The following PDGFRL variants were observed in gnomAD, a reference collection of about 807,000 sequenced individuals.
PDGFRL encodes platelet derived growth factor receptor like.
A neutral mutation model predicts 37.2 loss-of-function variants in PDGFRL; 46 were observed. The observed-to-expected ratio is 1.24, with a 90% CI of 0.98 to 1.58. PDGFRL has a LOEUF of 1.58. Among genes scored for constraint, PDGFRL ranks in the 40% most tolerant of loss-of-function variants. PDGFRL has a pLI of 0.00. For missense variants in PDGFRL, 692 were observed against 467.6 expected (o/e 1.48, Z -4.43); for synonymous variants, 251 against 184.3 (o/e 1.36, Z -2.93).
intron 1 of PDGFRL, among the ~76,000 whole-genome samples, chr8:17,586,748 C>T (rs921965002): frequency 3.9e-5 from 6 of 152,040 alleles, no homozygotes; most frequent in Non-Finnish European, 8.8e-5. Context: ...GTAATTATTA[C>T]AGTTATTATG....
At chr8:17,583,636 T>C (rs1803754763) in intron 1 of PDGFRL, among the ~76,000 whole-genome samples, 2 of 152,124 alleles carry the variant, frequency 1.3e-5, no homozygotes, top group Admixed American at 1.3e-4. Context: ...ATCACCAGTG[T>C]TGGTGGTGGG....
intron 2 of PDGFRL, among the ~76,000 whole-genome samples, chr8:17,602,481 C>T (rs148991583): frequency 7.0e-4 from 107 of 152,014 alleles, no homozygotes; most frequent in Middle Eastern, 3.4e-3. Flanking sequence ...GAGTAATCAT[C>T]GAATTTTTTT....
intron 2 of PDGFRL, among the ~76,000 whole-genome samples, chr8:17,599,519 G>A (rs1804122972): frequency 6.6e-6 from 1 of 152,052 alleles, no homozygotes; most frequent in Admixed American, 6.6e-5. Flanking sequence ...ATTTCCACTT[G>A]GAAACTTGCG....
chr8:17,591,349 G>C (rs1803935665), intron 2 of PDGFRL, among the ~76,000 whole-genome samples: 1 of 152,262 alleles, frequency 6.6e-6, no homozygotes, highest in East Asian at 1.9e-4. Context: ...TGAGAAGCAA[G>C]AAAGAAACAC....
At chr8:17,579,405 C>G (rs970104808) in intron 1 of PDGFRL, among the ~76,000 whole-genome samples, 1 of 152,024 alleles carries the variant, frequency 6.6e-6, no homozygotes, top group Admixed American at 6.6e-5. Context: ...CAGTGCTGGT[C>G]TCAGATTGGC....
chr8:17,607,817 G>A lies in PDGFRL; in HGVS notation c.354-13234G>A, dbSNP rs139144009. Among the ~76,000 whole-genome samples, 349 of 152,354 alleles carry A rather than the reference G, an allele frequency of 2.3e-3. 4 individuals carry two copies. The highest frequency in any genetic ancestry group is 8.1e-3 in the African/African-American group (336 of 41,582). ...TTTGAAAGATATGTCAAAGGAGGGA[G>A]CAAGAAAAGAGGAATAAAGGATAAG... On this transcript the variant is annotated intron_variant, in intron 2 of 5. Transcript: ENST00000251630.
chr8:17,582,973 A>G (rs953737079), intron 1 of PDGFRL, among the ~76,000 whole-genome samples: 1 of 152,132 alleles, frequency 6.6e-6, no homozygotes, highest in Non-Finnish European at 1.5e-5. Context: ...TTCACTTAAA[A>G]GGTCCCAGGT....
At chr8:17,615,381 C>A (rs1226149033) in intron 2 of PDGFRL, among the ~76,000 whole-genome samples, 1 of 152,056 alleles carries the variant, frequency 6.6e-6, no homozygotes, top group Non-Finnish European at 1.5e-5. Context: ...ATCACTCAGT[C>A]AAAATTGCTT....
At chr8:17,635,389 T>G (rs1449439425) in intron 5 of PDGFRL, among the ~76,000 whole-genome samples, 1 of 152,200 alleles carries the variant, frequency 6.6e-6, no homozygotes, top group Non-Finnish European at 1.5e-5. Context: ...ATACCATGTT[T>G]GGTTTTCCAT....
Position 17,589,568 on chromosome 8 carries a change from G to T in PDGFRL, c.156G>T (p.Met52Ile). 6.2e-7 allele frequency: 1 copy of T among 1,613,692 alleles called. No individual in the cohort carries two copies. Among genetic ancestry groups the T allele is most frequent in the African/African-American group, 1.3e-5 (1 of 75,032 alleles). Residue 52 changes from methionine (M) to isoleucine (I), a missense_variant, in exon 2 of 6, where the codon ATG becomes ATT. Coordinates refer to ENST00000251630, the MANE Select transcript of PDGFRL (RefSeq NM_001372073.1). ...NKKVKPKIPKMKDRDSANSAP... is the reference protein window; with the variant it reads ...NKKVKPKIPKIKDRDSANSAP... ...AGGTGAAGCCCAAAATTCCTAAAAT[G>T]AAGGACAGGGACTCAGCCAATTCAG... is the stretch of plus-strand genomic sequence containing the variant.
chr8:17,636,698 C>A (rs139320411), intron 5 of PDGFRL, among the ~76,000 whole-genome samples: 3,403 of 152,068 alleles, frequency 0.022, 77 homozygotes, highest in Non-Finnish European at 0.032. Context: ...CTGTGGATTG[C>A]TTTTCGCAGT....
At chr8:17,609,633 G>GCAA (rs1585316783) in intron 2 of PDGFRL, among the ~76,000 whole-genome samples, 1 of 14,032 alleles carries the variant, frequency 7.1e-5, no homozygotes, top group Non-Finnish European at 1.6e-4. Context: ...GTGAGACTCT[G>GCAA]TAAAAAAAAA....
chr8:17,580,599 G>C (rs911389695), intron 1 of PDGFRL, among the ~76,000 whole-genome samples: 3 of 152,046 alleles, frequency 2.0e-5, no homozygotes, highest in African/African-American at 7.3e-5. Flanking sequence ...TGAAGGGAGA[G>C]GAAAGATAAA....
intron 2 of PDGFRL, among the ~76,000 whole-genome samples, chr8:17,601,942 C>T (rs1430674071): frequency 1.3e-5 from 2 of 152,050 alleles, no homozygotes; most frequent in Non-Finnish European, 2.9e-5. Context: ...AATTCTTGTG[C>T]CTTTGTGGTA....
chr8:17,591,524 C>G (rs1334544773), intron 2 of PDGFRL, among the ~76,000 whole-genome samples: 1 of 152,158 alleles, frequency 6.6e-6, no homozygotes, highest in African/African-American at 2.4e-5. Context: ...TTCTAAGATT[C>G]TTTCTGGCCC....
intron 3 of PDGFRL, among the ~76,000 whole-genome samples, chr8:17,624,645 G>T (rs998846812): frequency 6.6e-6 from 1 of 152,186 alleles, no homozygotes; most frequent in African/African-American, 2.4e-5. Flanking sequence ...AGTGGCTCAT[G>T]CCTATAATCC....
At chr8:17,585,140 A>C (rs893421931) in intron 1 of PDGFRL, among the ~76,000 whole-genome samples, 1 of 152,174 alleles carries the variant, frequency 6.6e-6, no homozygotes, top group East Asian at 1.9e-4. Flanking sequence ...TATAATTAGC[A>C]TATAATGATC....
intron 1 of PDGFRL, among the ~76,000 whole-genome samples, chr8:17,585,096 G>A (rs924273758): frequency 1.3e-5 from 2 of 152,094 alleles, no homozygotes; most frequent in Non-Finnish European, 2.9e-5. Context: ...CACTCATGGC[G>A]CTTGTGGGAG....
chr8:17,615,389 C>A (rs1450143384), intron 2 of PDGFRL, among the ~76,000 whole-genome samples: 6 of 152,080 alleles, frequency 3.9e-5, no homozygotes, highest in Non-Finnish European at 7.4e-5. Flanking sequence ...GTCAAAATTG[C>A]TTCATTTCAT....
Sources: gnomAD v4.1 joint callset for allele counts (sites outside exome capture counted in the v4.1 genomes callset) on GRCh38, gnomAD v4.1.1 for gene constraint, MANE v1.5 for transcripts, NCBI Gene and HGNC (gene_info 2026-07-23, HGNC 2026-07-21) for gene names.